The following PARD3B variants were observed in gnomAD, a reference collection of about 807,000 sequenced individuals.
The protein encoded by PARD3B is partitioning defective 3 homolog B.
Under a neutral mutation model 130.2 loss-of-function variants are expected in PARD3B, and 103 were observed. That is an observed-to-expected ratio of 0.79 (90% CI 0.67 to 0.93). The LOEUF (loss-of-function observed/expected upper bound fraction) is 0.93. Ranked by LOEUF, PARD3B falls within the 40% of genes least tolerant of loss-of-function variation. The probability of loss-of-function intolerance (pLI) is 0.00; values close to 1 mark genes in which losing one functional copy is unlikely to be tolerated. For synonymous variants in PARD3B, 583 were observed against 553.2 expected (o/e 1.05, Z -0.76); for missense variants, 1,609 against 1,499.2 (o/e 1.07, Z -1.21).
intron 18 of PARD3B, among the ~76,000 whole-genome samples, chr2:205,398,337 T>C (rs528043786): frequency 4.6e-5 from 7 of 152,282 alleles, no homozygotes; most frequent in African/African-American, 1.7e-4. Flanking sequence ...TATTTTTGTC[T>C]GTATTTTTCT....
chr2:204,746,210 C>T (rs182741086), intron 2 of PARD3B, among the ~76,000 whole-genome samples: 1 of 146,378 alleles, frequency 6.8e-6, no homozygotes, highest in African/African-American at 2.5e-5. Context: ...CAATTCCCAC[C>T]TATGAGTGAG....
intron 15 of PARD3B, among the ~76,000 whole-genome samples, chr2:205,240,127 A>G (rs2039285640): frequency 6.6e-6 from 1 of 152,228 alleles, no homozygotes; most frequent in African/African-American, 2.4e-5. Flanking sequence ...GCTCAGGAAG[A>G]AACTTAATTT....
chr2:205,048,917 A>G (rs1343884769), intron 4 of PARD3B, among the ~76,000 whole-genome samples: 1 of 152,196 alleles, frequency 6.6e-6, no homozygotes, highest in Non-Finnish European at 1.5e-5. Context: ...TATGTGTTCT[A>G]TTTTAATGTA....
At position 204,596,101 on chromosome 2, in the gene PARD3B, A is replaced by C. The variant is rs560729293; in HGVS notation, c.120+49982A>C. 2.6e-5 allele frequency among the ~76,000 whole-genome samples: 4 copies of C among 152,348 alleles called. No homozygotes were observed. In the South Asian group the frequency reaches 8.3e-4, roughly 32 times the overall value. Reference sequence around the variant, plus strand: ...TTTTTTTTGATAGAGAATAAGTTTCATAAACAATTACATTTAGAATTATGA... The same window carrying C: ...TTTTTTTTGATAGAGAATAAGTTTCCTAAACAATTACATTTAGAATTATGA... On this transcript the variant is annotated intron_variant, in intron 1 of 22. Transcript: ENST00000406610.
intron 16 of PARD3B, among the ~76,000 whole-genome samples, chr2:205,259,331 T>C (rs2105755728): frequency 6.6e-6 from 1 of 152,304 alleles, no homozygotes; most frequent in East Asian, 1.9e-4. Context: ...ACATGTATTT[T>C]CCTTGGCAAC....
In PARD3B at chr2:205,301,820, C is replaced by A; in HGVS notation, c.2630+119C>A. ...TTCCTCGTCTTCAGCCAAATGCATA[C>A]GGCTCTCAATTCTGTGCTCGTTCTC... On this transcript the variant is annotated intron_variant, in intron 18 of 22. Coordinates refer to ENST00000406610, the MANE Select transcript of PARD3B (RefSeq NM_001302769.2). The surrounding 1 kb of genome is among the most constrained non-coding windows in gnomAD (Gnocchi z 5.2). 6.8e-7 allele frequency: 1 copy of A among 1,464,672 alleles called. No individual in the cohort carries two copies. The highest frequency in any genetic ancestry group is 9.6e-7 in the Non-Finnish European group (1 of 1,043,940). 90.7% of individuals were successfully genotyped at this position (1,464,672 alleles called of 1,614,324 possible).
intron 18 of PARD3B, among the ~76,000 whole-genome samples, chr2:205,344,194 T>TTGTATTTG (rs1553681142): frequency 7.1e-6 from 1 of 140,958 alleles, no homozygotes; most frequent in Non-Finnish European, 1.5e-5. Flanking sequence ...GTCAGTTGGT[T>TTGTATTTG]TGTGTGTGTG....
intron 2 of PARD3B, among the ~76,000 whole-genome samples, chr2:204,874,588 A>T (rs2045763654): frequency 6.6e-6 from 1 of 152,136 alleles, no homozygotes; most frequent in South Asian, 2.1e-4. Context: ...TTTTTTTAAA[A>T]ATCGAGGTAT....
At chr2:204,723,680 A>C (rs1269876447) in intron 2 of PARD3B, among the ~76,000 whole-genome samples, 2 of 152,082 alleles carry the variant, frequency 1.3e-5, no homozygotes, top group Non-Finnish European at 2.9e-5. Context: ...ATGGATGAAA[A>C]GTGTAGTGTG....
intron 11 of PARD3B, among the ~76,000 whole-genome samples, chr2:205,168,316 A>G (rs140144474): frequency 7.0e-6 from 1 of 142,740 alleles, no homozygotes; most frequent in African/African-American, 2.6e-5. Context: ...AGAGAGAGAG[A>G]GAGAGTGTGT....
intron 15 of PARD3B, among the ~76,000 whole-genome samples, chr2:205,243,822 C>T (rs776179416): frequency 7.2e-5 from 11 of 152,144 alleles, no homozygotes; most frequent in Non-Finnish European, 1.0e-4. Flanking sequence ...ATAATACTTT[C>T]CAGGTCGTTG....
chr2:205,351,883 T>A lies in PARD3B; in HGVS notation c.2631-49130T>A, dbSNP rs1050505847. On this transcript the variant is annotated intron_variant, in intron 18 of 22. Transcript: ENST00000406610. This position sits in a 1 kb window ranked among gnomAD's most constrained non-coding sequence, Gnocchi z 4.2. ...ACAGCTTCTGAGGGATCTGTTTGTA[T>A]ACATAACATCCCAGTGTCTTTCTGT... Among the ~76,000 whole-genome samples, 7 of 152,102 alleles carry A rather than the reference T, an allele frequency of 4.6e-5. No individual in the cohort carries two copies. The highest frequency in any genetic ancestry group is 2.1e-4 in the South Asian group (1 of 4,816).
intron 14 of PARD3B, among the ~76,000 whole-genome samples, chr2:205,188,210 G>A (rs564231457): frequency 2.6e-5 from 4 of 152,248 alleles, no homozygotes; most frequent in South Asian, 4.1e-4. Context: ...CTTGGAAAAC[G>A]GAAGAAAGCT....
At chr2:205,223,260 T>C (rs2038342626) in intron 15 of PARD3B, among the ~76,000 whole-genome samples, 1 of 152,202 alleles carries the variant, frequency 6.6e-6, no homozygotes, top group Admixed American at 6.5e-5. Flanking sequence ...ATAAAGAGAA[T>C]ATTATTCATA....
At chr2:205,582,350 GAA>G (rs2054018856) in intron 22 of PARD3B, among the ~76,000 whole-genome samples, 1 of 152,112 alleles carries the variant, frequency 6.6e-6, no homozygotes, top group Admixed American at 6.5e-5. Context: ...GAAACAGAAT[GAA>G]GAAACATTGC....
At chr2:205,310,754 C>T (rs1372377636) in intron 18 of PARD3B, among the ~76,000 whole-genome samples, 3 of 108,350 alleles carry the variant, frequency 2.8e-5, no homozygotes, top group African/African-American at 3.6e-5. Flanking sequence ...GACAGAGTCT[C>T]ACTCTGTCAT....
chr2:205,399,541 G>T (rs1160710565), intron 18 of PARD3B, among the ~76,000 whole-genome samples: 1 of 151,984 alleles, frequency 6.6e-6, no homozygotes, highest in Non-Finnish European at 1.5e-5. Context: ...TTTTAGTAGA[G>T]ACAGGGTTTC....
intron 18 of PARD3B, among the ~76,000 whole-genome samples, chr2:205,382,113 A>G (rs2045473017): frequency 1.3e-5 from 2 of 152,038 alleles, no homozygotes; most frequent in Non-Finnish European, 2.9e-5. Flanking sequence ...AACTTATTTG[A>G]ATTTCACCAG....
chr2:205,461,217 G>A lies in PARD3B; in HGVS notation c.3044+20545G>A, dbSNP rs1355880333. On this transcript the variant is annotated intron_variant, in intron 20 of 22. Transcript: ENST00000406610. This position sits in a 1 kb window ranked among gnomAD's most constrained non-coding sequence, Gnocchi z 4.3. ...ATTTAAGTCGAGACTCAAAGAGTGA[G>A]TAGCCATGAGAATTTGGGTGCTGAA... is the stretch of plus-strand genomic sequence containing the variant. Among the ~76,000 whole-genome samples, 1 of 152,194 alleles carries A rather than the reference G, an allele frequency of 6.6e-6. No individual in the cohort carries two copies. Among genetic ancestry groups the A allele is most frequent in the Non-Finnish European group, 1.5e-5 (1 of 68,040 alleles).
Sources: gnomAD v4.1 joint callset for allele counts (sites outside exome capture counted in the v4.1 genomes callset) on GRCh38, gnomAD v4.1.1 for gene constraint, Gnocchi (gnomAD v3.1) non-coding constraint, MANE v1.5 for transcripts, NCBI Gene and HGNC (gene_info 2026-07-23, HGNC 2026-07-21) for gene names.